The following FGD4 variants were observed in gnomAD, a reference collection of about 807,000 sequenced individuals.
The protein encoded by FGD4 is FYVE, RhoGEF and PH domain containing 4, also known as FYVE, RhoGEF and PH domain-containing protein 4.
FGD4 carries 42 observed loss-of-function variants against 102.0 expected under a neutral mutation model. The ratio of observed to expected loss-of-function variants is 0.41; its 90% CI spans 0.32 to 0.53. The LOEUF (loss-of-function observed/expected upper bound fraction) is 0.53, where lower values mean the gene tolerates loss of function less well. Ranked by LOEUF, FGD4 falls within the 20% of genes least tolerant of loss-of-function variation. The pLI is 0.21. For synonymous variants in FGD4, 380 were observed against 375.7 expected, an observed-to-expected ratio of 1.01 and a Z score of -0.13; for missense variants, 902 against 1,078.2, an observed-to-expected ratio of 0.84 and a Z score of 2.29.
intron 1 of FGD4, among the ~76,000 whole-genome samples, chr12:32,550,657 C>G (rs1463555499): frequency 4.1e-5 from 4 of 97,140 alleles, no homozygotes; most frequent in Non-Finnish European, 7.4e-5. Flanking sequence ...GGCGACAGAG[C>G]AAGACACTGT....
chr12:32,460,659 A>G (rs1943079772), intron 1 of FGD4, among the ~76,000 whole-genome samples: 1 of 152,222 alleles, frequency 6.6e-6, no homozygotes, highest in African/African-American at 2.4e-5. Context: ...ACTTAGAGAA[A>G]GATGCTGGAA....
chr12:32,524,457 A>G (rs1367273549), intron 1 of FGD4, among the ~76,000 whole-genome samples: 1 of 151,772 alleles, frequency 6.6e-6, no homozygotes, highest in African/African-American at 2.4e-5. Flanking sequence ...AGATTTGATA[A>G]GAAACATAAC....
At chr12:32,406,726 T>C (rs1028689236) in intron 1 of FGD4, among the ~76,000 whole-genome samples, 5 of 152,172 alleles carry the variant, frequency 3.3e-5, no homozygotes, top group African/African-American at 9.7e-5. Context: ...TTACTTGGGA[T>C]TGCTAATTAA....
At chr12:32,432,978 A>G (rs1942105126) in intron 1 of FGD4, among the ~76,000 whole-genome samples, 1 of 151,936 alleles carries the variant, frequency 6.6e-6, no homozygotes, top group East Asian at 1.9e-4. Context: ...CCTGGTTTCC[A>G]TATTTTTCTG....
intron 11 of FGD4, among the ~76,000 whole-genome samples, chr12:32,620,686 C>A (rs1266833631): frequency 1.4e-5 from 2 of 144,812 alleles, no homozygotes; most frequent in African/African-American, 5.3e-5. Flanking sequence ...GCCACCACAC[C>A]TGGCTAATTT....
intron 1 of FGD4, among the ~76,000 whole-genome samples, chr12:32,400,606 T>C (rs1940619500): frequency 6.6e-6 from 1 of 152,248 alleles, no homozygotes; most frequent in Non-Finnish European, 1.5e-5. Flanking sequence ...CAAGGCGATC[T>C]ATTCAAGGCC....
rs1949694951 is a variant in FGD4 at position 32,619,876 on chromosome 12, G to A, written c.1922+6G>A. 1.9e-6 allele frequency: 3 copies of A among 1,613,996 alleles called. No homozygotes were observed. The highest frequency in any genetic ancestry group is 2.5e-6 in the Non-Finnish European group (3 of 1,180,004). ...ACACTGGAACTGCAGGCCAGGTAAG[G>A]GAACCATTTCTATCACACTGCTTTC... On this transcript the variant is annotated splice_donor_region_variant and intron_variant, in intron 11 of 16. Coordinates refer to ENST00000534526, the MANE Select transcript of FGD4 (RefSeq NM_001370298.3).
At position 32,488,826 on chromosome 12, in the gene FGD4, C is replaced by G. The variant is rs562598150; in HGVS notation, c.167-75311C>G. ...TGGTGGCGCATGCCTGTAGTCCCAG[C>G]TACTCGGGAGGCTGAGGCAGGAGAA... is the stretch of plus-strand genomic sequence containing the variant. On this transcript the variant is annotated intron_variant, in intron 1 of 16. Transcript: ENST00000534526. Among the ~76,000 whole-genome samples the G allele has an allele frequency of 4.6e-5, 7 of 152,222 alleles. No individual in the cohort carries two copies. The South Asian group carries it at 6.2e-4, about 14-fold the overall frequency.
At chr12:32,558,827 G>A (rs1374302791) in intron 1 of FGD4, among the ~76,000 whole-genome samples, 1 of 152,182 alleles carries the variant, frequency 6.6e-6, no homozygotes, top group Non-Finnish European at 1.5e-5. Context: ...CGTATGTCTA[G>A]GGATTCCTAT....
At chr12:32,539,639 A>T (rs778689747) in intron 1 of FGD4, among the ~76,000 whole-genome samples, 1 of 151,992 alleles carries the variant, frequency 6.6e-6, no homozygotes, top group African/African-American at 2.4e-5. Flanking sequence ...CACTTCATGT[A>T]ATTTATTTCC....
intron 1 of FGD4, among the ~76,000 whole-genome samples, chr12:32,452,069 GT>G (rs1405955999): frequency 6.6e-6 from 1 of 152,120 alleles, no homozygotes; most frequent in Non-Finnish European, 1.5e-5. Context: ...GTGAACAATT[GT>G]TTAATGACTC....
chr12:32,584,073 G>C (rs1303705366), intron 4 of FGD4, among the ~76,000 whole-genome samples: 1 of 152,186 alleles, frequency 6.6e-6, no homozygotes, highest in East Asian at 1.9e-4. Context: ...ACCTCTTTGG[G>C]AGAGATTTTA....
intron 3 of FGD4, among the ~76,000 whole-genome samples, chr12:32,581,469 C>T (rs373539846): frequency 2.6e-5 from 4 of 152,222 alleles, no homozygotes; most frequent in East Asian, 1.9e-4. Context: ...ATTCATTATG[C>T]CTTCCAAATA....
intron 5 of FGD4, among the ~76,000 whole-genome samples, chr12:32,600,723 A>G (rs775061940): frequency 4.1e-4 from 62 of 151,890 alleles, no homozygotes; most frequent in Non-Finnish European, 7.9e-4. Context: ...GAGAATTGAA[A>G]TATTCCTTTG....
intron 1 of FGD4, among the ~76,000 whole-genome samples, chr12:32,485,054 A>T (rs1029087111): frequency 6.6e-6 from 1 of 152,212 alleles, no homozygotes; most frequent in Non-Finnish European, 1.5e-5. Context: ...GGCACATGCC[A>T]TAACACCCAG....
intron 1 of FGD4, among the ~76,000 whole-genome samples, chr12:32,522,497 GCCTTCC>G (rs1347537659): frequency 1.3e-5 from 2 of 152,102 alleles, no homozygotes; most frequent in Non-Finnish European, 2.9e-5. Flanking sequence ...AGAAATGAAA[GCCTTCC>G]TTCTTCTCTC....
chr12:32,516,383 A>AT (rs1939884701), intron 1 of FGD4, among the ~76,000 whole-genome samples: 1 of 151,998 alleles, frequency 6.6e-6, no homozygotes, highest in Non-Finnish European at 1.5e-5. Context: ...GGCCCAAGCG[A>AT]TTCTCTTATC....
At chr12:32,446,561 G>T (rs918234424) in intron 1 of FGD4, among the ~76,000 whole-genome samples, 1 of 152,146 alleles carries the variant, frequency 6.6e-6, no homozygotes, top group African/African-American at 2.4e-5. Flanking sequence ...TTCCTGAAAT[G>T]AGGCTGTTAA....
intron 1 of FGD4, among the ~76,000 whole-genome samples, chr12:32,502,933 C>T (rs1240010936): frequency 6.6e-6 from 1 of 152,204 alleles, no homozygotes; most frequent in African/African-American, 2.4e-5. Flanking sequence ...CAAGGAAGAT[C>T]AGCTTCTATT....
Sources: allele counts gnomAD v4.1 joint callset (sites outside exome capture counted in the v4.1 genomes callset), GRCh38; gene constraint gnomAD v4.1.1; transcripts MANE v1.5; gene names NCBI Gene and HGNC (gene_info 2026-07-23, HGNC 2026-07-21).